The following TSPAN5 variants were observed in gnomAD, a reference collection of about 807,000 sequenced individuals.
The protein encoded by TSPAN5 is tetraspanin-5.
Under a neutral mutation model 37.1 loss-of-function variants are expected in TSPAN5, and 10 were observed. The ratio of observed to expected loss-of-function variants is 0.27; its 90% CI spans 0.17 to 0.46. The LOEUF is 0.46. TSPAN5 is among the 20% of genes least tolerant of loss of function. TSPAN5 has a pLI of 1.00. For missense variants in TSPAN5, 195 were observed against 326.6 expected, an observed-to-expected ratio of 0.60 and a Z score of 3.11; for synonymous variants, 110 against 118.9, an observed-to-expected ratio of 0.93 and a Z score of 0.48.
intron 1 of TSPAN5, among the ~76,000 whole-genome samples, chr4:98,566,119 G>A (rs1754999294): frequency 6.6e-6 from 1 of 152,168 alleles, no homozygotes; most frequent in African/African-American, 2.4e-5. Context: ...GGGAACCGGT[G>A]AAAACGTTAT....
chr4:98,647,102 C>T (rs1382677191), intron 1 of TSPAN5, among the ~76,000 whole-genome samples: 1 of 152,128 alleles, frequency 6.6e-6, no homozygotes, highest in Non-Finnish European at 1.5e-5. Flanking sequence ...ACTTTCTGCC[C>T]TCCCACCACA....
chr4:98,604,399 T>G (rs1755955830), intron 1 of TSPAN5, among the ~76,000 whole-genome samples: 1 of 152,228 alleles, frequency 6.6e-6, no homozygotes, highest in African/African-American at 2.4e-5. Flanking sequence ...TTCTAACATC[T>G]CGTCATCAAA....
At chr4:98,610,777 C>A (rs1756166659) in intron 1 of TSPAN5, among the ~76,000 whole-genome samples, 3 of 152,180 alleles carry the variant, frequency 2.0e-5, no homozygotes, top group Admixed American at 2.0e-4. Flanking sequence ...GCTGCTCACC[C>A]ACCCTAAGGC....
At chr4:98,608,166 C>T (rs1020569232) in intron 1 of TSPAN5, among the ~76,000 whole-genome samples, 5 of 152,156 alleles carry the variant, frequency 3.3e-5, no homozygotes, top group Non-Finnish European at 7.4e-5. Context: ...TGTTTGAATT[C>T]ACAGGATTCT....
intron 1 of TSPAN5, among the ~76,000 whole-genome samples, chr4:98,575,594 A>T (rs1755215410): frequency 6.6e-6 from 1 of 152,108 alleles, no homozygotes; most frequent in Non-Finnish European, 1.5e-5. Context: ...ACTGGGGCTA[A>T]TCCAAGGGTT....
intron 1 of TSPAN5, among the ~76,000 whole-genome samples, chr4:98,598,325 C>A (rs1324417606): frequency 4.1e-5 from 6 of 145,100 alleles, no homozygotes; most frequent in Admixed American, 6.9e-5. Context: ...CACTGGCCTG[C>A]GCCCACTGTC....
chr4:98,612,191 G>A (rs1390865480), intron 1 of TSPAN5, among the ~76,000 whole-genome samples: 1 of 152,184 alleles, frequency 6.6e-6, no homozygotes, highest in Non-Finnish European at 1.5e-5. Context: ...GAAGAGATGA[G>A]AAGCAGGAGG....
chr4:98,623,102 G>T (rs1300693337), intron 1 of TSPAN5, among the ~76,000 whole-genome samples: 1 of 152,064 alleles, frequency 6.6e-6, no homozygotes, highest in Non-Finnish European at 1.5e-5. Context: ...GGGTAGTGGT[G>T]GTGGAAAGGA....
intron 1 of TSPAN5, among the ~76,000 whole-genome samples, chr4:98,617,862 C>T (rs1756375744): frequency 6.6e-6 from 1 of 152,220 alleles, no homozygotes; most frequent in South Asian, 2.1e-4. Context: ...AGCCTGTATC[C>T]ATGCCAGTTC....
intron 1 of TSPAN5, among the ~76,000 whole-genome samples, chr4:98,597,900 G>T (rs1411290476): frequency 5.2e-5 from 4 of 76,880 alleles, no homozygotes; most frequent in Non-Finnish European, 9.4e-5. Flanking sequence ...GTTTGTCTGT[G>T]CCCTGCCCCC....
At chr4:98,527,186 C>A (rs755387883) in intron 1 of TSPAN5, among the ~76,000 whole-genome samples, 1 of 152,106 alleles carries the variant, frequency 6.6e-6, no homozygotes, top group Non-Finnish European at 1.5e-5. Context: ...ATAACCAGCC[C>A]ATAAAATGAA....
At chr4:98,649,138 T>C (rs1016373504) in intron 1 of TSPAN5, among the ~76,000 whole-genome samples, 3 of 152,212 alleles carry the variant, frequency 2.0e-5, no homozygotes, top group African/African-American at 7.2e-5. Context: ...GCTAGAATAC[T>C]GGTTCTTTTC....
chr4:98,590,714 AAAAAAAAAAGAG>A (rs1755607921), intron 1 of TSPAN5, among the ~76,000 whole-genome samples: 1 of 148,518 alleles, frequency 6.7e-6, no homozygotes, highest in East Asian at 2.2e-4. Context: ...TCTCAAAAAA[AAAAAAAAAAGAG>A]AGAGAGAGAG....
intron 1 of TSPAN5, among the ~76,000 whole-genome samples, chr4:98,542,554 C>T (rs1327509593): frequency 1.3e-5 from 2 of 151,840 alleles, no homozygotes; most frequent in East Asian, 1.9e-4. Flanking sequence ...CCATTCTCTA[C>T]AAAAAGACTT....
At chr4:98,607,735 A>G in intron 1 of TSPAN5, among the ~76,000 whole-genome samples, 1 of 147,556 alleles carries the variant, frequency 6.8e-6, no homozygotes. Context: ...TTTGAGATGG[A>G]GTCTCACTCT....
chr4:98,477,993 G>C (rs1001271589), intron 5 of TSPAN5, among the ~76,000 whole-genome samples: 1 of 152,026 alleles, frequency 6.6e-6, no homozygotes, highest in African/African-American at 2.4e-5. Context: ...CTATATACCA[G>C]GCACGATTTG....
intron 1 of TSPAN5, among the ~76,000 whole-genome samples, chr4:98,543,715 C>T (rs192187770): frequency 6.4e-4 from 97 of 152,120 alleles, no homozygotes; most frequent in Middle Eastern, 3.4e-3. Flanking sequence ...CCACTGCACC[C>T]AGCCTACTTT....
rs967992821 is a variant in TSPAN5 at position 98,625,557 on chromosome 4, C to T, written c.81+32589G>A. ...TTTTGCCCTTTACATATTTCCAGGG[C>T]CAGAGGGCCAAACCCCTTCCTTCCT... On this transcript the variant is annotated intron_variant, in intron 1 of 7. Coordinates refer to ENST00000305798, the MANE Select transcript of TSPAN5 (RefSeq NM_005723.4). 2.6e-4 allele frequency among the ~76,000 whole-genome samples: 40 copies of T among 152,346 alleles called. 1 individual carries two copies. Among genetic ancestry groups the T allele is most frequent in the African/African-American group, 9.1e-4 (38 of 41,580 alleles).
Position 98,495,014 on chromosome 4 carries a change from G to T in TSPAN5, c.133-8130C>A, listed in dbSNP as rs532571112. ...AGTGGTGCAGCAGAGAAGAAAGCAG[G>T]GAGGAGTCAGTGACTGCGGTAAGAC... is the stretch of plus-strand genomic sequence containing the variant. On this transcript the variant is annotated intron_variant, in intron 2 of 7. Coordinates refer to ENST00000305798, the MANE Select transcript of TSPAN5 (RefSeq NM_005723.4). 3.3e-5 allele frequency among the ~76,000 whole-genome samples: 5 copies of T among 152,282 alleles called. No individual in the cohort carries two copies. The South Asian group carries it at 1.0e-3, about 32-fold the overall frequency.
Sources: allele counts gnomAD v4.1 joint callset (sites outside exome capture counted in the v4.1 genomes callset), GRCh38; gene constraint gnomAD v4.1.1; transcripts MANE v1.5; gene names NCBI Gene and HGNC (gene_info 2026-07-23, HGNC 2026-07-21).